DCT: variants seen among roughly 807,000 people sequenced by gnomAD.
DCT encodes dopachrome tautomerase, also known as L-dopachrome tautomerase.
A neutral mutation model predicts 53.0 loss-of-function variants in DCT; 47 were observed. The ratio of observed to expected loss-of-function variants is 0.89; its 90% CI spans 0.70 to 1.13. DCT has a LOEUF of 1.13. Ranked by LOEUF, DCT falls within the 50% of genes most tolerant of loss-of-function variation. The pLI is 0.00. For synonymous variants in DCT, 244 were observed against 237.0 expected, an observed-to-expected ratio of 1.03 and a Z score of -0.27; for missense variants, 669 against 637.4, an observed-to-expected ratio of 1.05 and a Z score of -0.53.
chr13:94,491,058 C>T, the DCT span, among the ~76,000 whole-genome samples: 293 of 152,164 alleles, frequency 1.9e-3, no homozygotes, highest in African/African-American at 6.6e-3. Context: ...CACCGAAGAC[C>T]GGAAAGAATA....
At chr13:94,545,980 C>CA in the DCT span, among the ~76,000 whole-genome samples, 1 of 152,046 alleles carries the variant, frequency 6.6e-6, no homozygotes, top group Non-Finnish European at 1.5e-5. Flanking sequence ...GACCAGGCCT[C>CA]AACCCCCTCA....
Position 94,465,968 on chromosome 13 carries a change from T to TTATATA in DCT, c.697-175_697-170dup, listed in dbSNP as rs3044355. On this transcript the variant is annotated intron_variant, in intron 3 of 7. Coordinates refer to ENST00000377028, the MANE Select transcript of DCT (RefSeq NM_001922.5). ...TGACATAAATCAGTGTGTGTATATTTTATATATATATATATATATATATAT... is the reference window on the plus strand; with the variant it reads ...TGACATAAATCAGTGTGTGTATATTTTATATATATATATATATATATATATATATAT... 4.4e-3 allele frequency among the ~76,000 whole-genome samples: 340 copies of TTATATA among 77,636 alleles called. 7 individuals are homozygous for TTATATA. The highest frequency in any genetic ancestry group is 7.8e-3 in the Middle Eastern group (1 of 128). 50.9% of individuals were successfully genotyped at this position (77,636 alleles called of 152,430 possible).
At chr13:94,472,097 T>C (rs1168898805) in intron 1 of DCT, among the ~76,000 whole-genome samples, 1 of 152,202 alleles carries the variant, frequency 6.6e-6, no homozygotes, top group Admixed American at 6.5e-5. Context: ...CACTTGTTTT[T>C]GAATTGGGGG....
At chr13:94,465,411 G>A (rs1012308606) in intron 4 of DCT, 7 of 332,286 alleles carry the variant, frequency 2.1e-5, no homozygotes, top group Non-Finnish European at 3.8e-5. Context: ...CAAAATGATG[G>A]CCAAGCATAA....
At chr13:94,472,531 T>C (rs1454497689) in intron 1 of DCT, among the ~76,000 whole-genome samples, 4 of 15,784 alleles carry the variant, frequency 2.5e-4, no homozygotes, top group South Asian at 4.9e-3. Flanking sequence ...CATATATATA[T>C]ATATATATAT....
the DCT span, among the ~76,000 whole-genome samples, chr13:94,524,705 C>A: frequency 2.0e-5 from 3 of 152,116 alleles, no homozygotes; most frequent in East Asian, 5.8e-4. Context: ...CTGGAGAACC[C>A]TAGTAGGGTT....
At chr13:94,466,680 T>C in intron 2 of DCT, 22 bp from the exon 3 acceptor site, 1 of 1,495,484 alleles carries the variant, frequency 6.7e-7, no homozygotes, top group Non-Finnish European at 9.2e-7. Flanking sequence ...GGGAAACATA[T>C]TAGAGATGAC....
At chr13:94,461,508 G>A (rs995838727) in intron 5 of DCT, among the ~76,000 whole-genome samples, 12 of 152,154 alleles carry the variant, frequency 7.9e-5, no homozygotes, top group African/African-American at 2.9e-4. Flanking sequence ...TGCCCAACCT[G>A]TGGTGGAAGA....
chr13:94,519,614 G>T, the DCT span, among the ~76,000 whole-genome samples: 1 of 152,220 alleles, frequency 6.6e-6, no homozygotes, highest in Non-Finnish European at 1.5e-5. Flanking sequence ...TTGTCAGGAG[G>T]TGGGTTAGGA....
chr13:94,495,243 T>A, the DCT span, among the ~76,000 whole-genome samples: 1 of 152,148 alleles, frequency 6.6e-6, no homozygotes, highest in African/African-American at 2.4e-5. Flanking sequence ...AATACAGGCA[T>A]GTGCCACCAC....
the DCT span, among the ~76,000 whole-genome samples, chr13:94,526,932 T>G: frequency 6.6e-6 from 1 of 151,886 alleles, no homozygotes; most frequent in African/African-American, 2.4e-5. Context: ...ACTGCACTTT[T>G]CCCACAGTCT....
the DCT span, among the ~76,000 whole-genome samples, chr13:94,507,809 C>T: frequency 1.4e-4 from 22 of 152,170 alleles, no homozygotes; most frequent in African/African-American, 5.3e-4. Flanking sequence ...CGTATATTGA[C>T]TATTTTTTAT....
At chr13:94,472,086 A>G (rs563235514) in intron 1 of DCT, among the ~76,000 whole-genome samples, 27 of 152,306 alleles carry the variant, frequency 1.8e-4, no homozygotes, top group Middle Eastern at 3.4e-3. Context: ...TAAAGGCATA[A>G]CACTTGTTTT....
the DCT span, among the ~76,000 whole-genome samples, chr13:94,516,213 G>C: frequency 6.6e-6 from 1 of 152,030 alleles, no homozygotes; most frequent in African/African-American, 2.4e-5. Flanking sequence ...TTGTAAGCCT[G>C]AATTTTCTCC....
At chr13:94,517,994 G>C in the DCT span, among the ~76,000 whole-genome samples, 4 of 151,728 alleles carry the variant, frequency 2.6e-5, no homozygotes, top group Admixed American at 1.3e-4. Context: ...TCTAATCCCA[G>C]CACTTTGAGC....
chr13:94,495,573 G>A, the DCT span, among the ~76,000 whole-genome samples: 2 of 152,106 alleles, frequency 1.3e-5, no homozygotes, highest in Non-Finnish European at 2.9e-5. Flanking sequence ...AGTGAATGTA[G>A]GAGCACTTGT....
chr13:94,504,335 G>A, the DCT span, among the ~76,000 whole-genome samples: 3 of 152,142 alleles, frequency 2.0e-5, no homozygotes, highest in Non-Finnish European at 4.4e-5. Context: ...CTTTGGTGGT[G>A]CTGGGGCATT....
chr13:94,473,592 G>C lies in DCT; in HGVS notation c.296-4547C>G, dbSNP rs998023891. ...TCAAACTGTGGGAAAAGTGAAAACA[G>C]AGGAATAAGTCAAGCTCCACTGGAT... is the stretch of plus-strand genomic sequence containing the variant. On this transcript the variant is annotated intron_variant, in intron 1 of 7. Coordinates refer to ENST00000377028, the MANE Select transcript of DCT (RefSeq NM_001922.5). Among the ~76,000 whole-genome samples, 21 of 152,222 alleles carry C rather than the reference G, an allele frequency of 1.4e-4. 2 individuals carry two copies. Among genetic ancestry groups the C allele is most frequent in the Admixed American group, 1.4e-3 (21 of 15,286 alleles).
the DCT span, among the ~76,000 whole-genome samples, chr13:94,536,736 A>G: frequency 6.6e-6 from 1 of 152,170 alleles, no homozygotes; most frequent in African/African-American, 2.4e-5. Context: ...TGAGGCCAGG[A>G]GTTCGAGACC....
Sources: gnomAD v4.1 joint callset for allele counts (sites outside exome capture counted in the v4.1 genomes callset) on GRCh38, gnomAD v4.1.1 for gene constraint, MANE v1.5 for transcripts, NCBI Gene and HGNC (gene_info 2026-07-23, HGNC 2026-07-21) for gene names.